The following SBF2 variants were observed in gnomAD, a reference collection of about 807,000 sequenced individuals.
SBF2 encodes myotubularin-related protein 13.
SBF2 carries 112 observed loss-of-function variants against 225.2 expected under a neutral mutation model. The ratio of observed to expected loss-of-function variants is 0.50; its 90% CI spans 0.43 to 0.58. The LOEUF is 0.58. SBF2 is among the 20% of genes least tolerant of loss of function. The pLI is 0.00. For missense variants in SBF2, 1,996 were observed against 2,206.2 expected, an observed-to-expected ratio of 0.90 and a Z score of 1.91; for synonymous variants, 763 against 773.3, an observed-to-expected ratio of 0.99 and a Z score of 0.22.
At chr11:9,812,826 G>T in intron 29 of SBF2, 118 bp from the exon 30 acceptor site, 1 of 975,220 alleles carries the variant, frequency 1.0e-6, no homozygotes, top group Non-Finnish European at 1.6e-6. Context: ...TGCAGAGGCT[G>T]CCAATGGGTC....
chr11:9,853,266 G>A (rs948185074), intron 20 of SBF2, among the ~76,000 whole-genome samples: 5 of 152,124 alleles, frequency 3.3e-5, no homozygotes, highest in Admixed American at 2.0e-4. Flanking sequence ...CTGCTTAATG[G>A]GTAGAGTGTT....
intron 1 of SBF2, among the ~76,000 whole-genome samples, chr11:10,239,115 A>G (rs1339135444): frequency 2.7e-5 from 4 of 150,540 alleles, no homozygotes; most frequent in Non-Finnish European, 4.4e-5. Context: ...ACGTGTGTAT[A>G]TGTGTGTATA....
intron 17 of SBF2, among the ~76,000 whole-genome samples, chr11:9,877,259 C>T (rs1275209765): frequency 1.3e-5 from 2 of 151,962 alleles, no homozygotes; most frequent in Admixed American, 1.3e-4. Flanking sequence ...AATACTCTAC[C>T]GTTTTATAAG....
intron 32 of SBF2, among the ~76,000 whole-genome samples, chr11:9,798,988 A>C (rs2133878788): frequency 6.6e-6 from 1 of 151,870 alleles, no homozygotes; most frequent in South Asian, 2.1e-4. Context: ...CAAACAAAAA[A>C]CTGTATTAAA....
At chr11:9,864,286 G>A (rs556796084) in intron 17 of SBF2, among the ~76,000 whole-genome samples, 2 of 152,224 alleles carry the variant, frequency 1.3e-5, no homozygotes, top group African/African-American at 4.8e-5. Context: ...TCAGATCAAG[G>A]CATACAATTT....
intron 6 of SBF2, among the ~76,000 whole-genome samples, chr11:10,004,574 T>TAAAA (rs763688115): frequency 0.015 from 1,277 of 85,306 alleles, 44 homozygotes; most frequent in Admixed American, 0.032. Context: ...CTACAAAAAT[T>TAAAA]AAAAAAAAAA....
intron 21 of SBF2, among the ~76,000 whole-genome samples, chr11:9,851,234 G>A (rs530821825): frequency 1.3e-5 from 2 of 151,900 alleles, no homozygotes; most frequent in African/African-American, 4.8e-5. Flanking sequence ...CCCATTTTTG[G>A]AAAAAGAATA....
intron 4 of SBF2, among the ~76,000 whole-genome samples, chr11:10,030,138 T>C (rs1949201696): frequency 1.3e-5 from 2 of 152,206 alleles, no homozygotes; most frequent in Non-Finnish European, 2.9e-5. Context: ...ATAACTACTC[T>C]AGCAAATCTG....
intron 2 of SBF2, among the ~76,000 whole-genome samples, chr11:10,054,678 T>C (rs1038776073): frequency 6.6e-6 from 1 of 152,102 alleles, no homozygotes; most frequent in Non-Finnish European, 1.5e-5. Context: ...AGGACTAATA[T>C]CCAAAATCTA....
At chr11:9,865,688 C>CA (rs1174863548) in intron 17 of SBF2, among the ~76,000 whole-genome samples, 1,871 of 14,810 alleles carry the variant, frequency 0.13, 579 homozygotes, top group Middle Eastern at 0.21. Flanking sequence ...AAAACTGTCT[C>CA]AAAAAAAAAA....
At chr11:10,094,279 T>C (rs1051542972) in intron 2 of SBF2, among the ~76,000 whole-genome samples, 1 of 152,072 alleles carries the variant, frequency 6.6e-6, no homozygotes, top group African/African-American at 2.4e-5. Context: ...GCTGAGATGG[T>C]GCCATTGCAC....
At chr11:9,806,053 T>C (rs775475535) in intron 32 of SBF2, among the ~76,000 whole-genome samples, 19 of 152,210 alleles carry the variant, frequency 1.2e-4, no homozygotes, top group Non-Finnish European at 5.9e-5. Context: ...ACTGTAATTG[T>C]GTTAGATACT....
intron 17 of SBF2, among the ~76,000 whole-genome samples, chr11:9,867,817 C>T (rs1425286869): frequency 6.6e-6 from 1 of 152,028 alleles, no homozygotes; most frequent in Non-Finnish European, 1.5e-5. Context: ...AAAAGTTCAT[C>T]TAATGGAAGT....
intron 1 of SBF2, among the ~76,000 whole-genome samples, chr11:10,280,852 G>C (rs559322190): frequency 1.3e-5 from 2 of 152,096 alleles, no homozygotes; most frequent in South Asian, 4.2e-4. Flanking sequence ...TGGGGGAGGC[G>C]GGCAGCCTTC....
intron 1 of SBF2, among the ~76,000 whole-genome samples, chr11:10,199,612 G>T (rs572818995): frequency 6.6e-6 from 1 of 152,294 alleles, no homozygotes; most frequent in Admixed American, 6.5e-5. Flanking sequence ...TCTATAAAAA[G>T]GAGATTTAGT....
intron 2 of SBF2, among the ~76,000 whole-genome samples, chr11:10,077,969 T>A (rs1337665495): frequency 6.6e-6 from 1 of 152,128 alleles, no homozygotes; most frequent in Non-Finnish European, 1.5e-5. Flanking sequence ...CATCAACAAG[T>A]GGGCAAAGGA....
At chr11:9,862,346 T>G (rs1857822115) in intron 17 of SBF2, among the ~76,000 whole-genome samples, 1 of 152,130 alleles carries the variant, frequency 6.6e-6, no homozygotes, top group Non-Finnish European at 1.5e-5. Context: ...CTGCCTAGAC[T>G]CCATCATGGC....
intron 32 of SBF2, among the ~76,000 whole-genome samples, chr11:9,800,500 G>A (rs1045926637): frequency 3.3e-5 from 5 of 151,622 alleles, no homozygotes; most frequent in African/African-American, 7.3e-5. Flanking sequence ...TCCACCTCCC[G>A]GGTTCATGCC....
chr11:9,826,731 A>ATATGTG (rs1491588627), intron 28 of SBF2, among the ~76,000 whole-genome samples: 3 of 64,898 alleles, frequency 4.6e-5, no homozygotes, highest in Non-Finnish European at 8.9e-5. Flanking sequence ...ATATATATAT[A>ATATGTG]TGTGTGTGTG....
Sources: allele counts gnomAD v4.1 joint callset (sites outside exome capture counted in the v4.1 genomes callset), GRCh38; gene constraint gnomAD v4.1.1; transcripts MANE v1.5; gene names NCBI Gene and HGNC (gene_info 2026-07-23, HGNC 2026-07-21).